Variants in MYO1D observed in about 807,000 individuals in gnomAD.
MYO1D encodes myosin ID.
A neutral mutation model predicts 122.0 loss-of-function variants in MYO1D; 83 were observed. That is an observed-to-expected ratio of 0.68 (90% CI 0.57 to 0.82). The LOEUF (loss-of-function observed/expected upper bound fraction) is 0.82, where lower values mean the gene tolerates loss of function less well. Ranked by LOEUF, MYO1D falls within the 40% of genes least tolerant of loss-of-function variation. The pLI is 0.00. For synonymous variants in MYO1D, 464 were observed against 446.9 expected (o/e 1.04, Z -0.48); for missense variants, 1,157 against 1,269.5 (o/e 0.91, Z 1.35).
chr17:32,857,738 C>A (rs1227603983), intron 1 of MYO1D, among the ~76,000 whole-genome samples: 2 of 152,208 alleles, frequency 1.3e-5, no homozygotes, highest in Non-Finnish European at 2.9e-5. Context: ...TATTCACATT[C>A]CAGCATTCAG....
intron 21 of MYO1D, among the ~76,000 whole-genome samples, chr17:32,495,335 C>T (rs767013875): frequency 2.2e-4 from 34 of 152,258 alleles, no homozygotes; most frequent in Non-Finnish European, 4.9e-4. Flanking sequence ...GTCTCCTGCT[C>T]CTGGCTGGTC....
At chr17:32,712,898 T>C (rs2089396964) in intron 15 of MYO1D, among the ~76,000 whole-genome samples, 1 of 152,112 alleles carries the variant, frequency 6.6e-6, no homozygotes, top group Non-Finnish European at 1.5e-5. Flanking sequence ...AGTGACATCC[T>C]ATCACTTTTG....
intron 21 of MYO1D, chr17:32,518,462 G>C (rs1392369235): frequency 6.6e-6 from 1 of 152,198 alleles, no homozygotes; most frequent in East Asian, 1.9e-4. Flanking sequence ...TTGAAGAAGT[G>C]ATATTAAAAA....
chr17:32,717,328 T>G (rs2089461215), intron 15 of MYO1D, among the ~76,000 whole-genome samples: 1 of 152,236 alleles, frequency 6.6e-6, no homozygotes, highest in African/African-American at 2.4e-5. Flanking sequence ...AAATCTTTAA[T>G]TATCTCTACT....
At chr17:32,742,047 A>AT (rs915731197) in intron 13 of MYO1D, among the ~76,000 whole-genome samples, 5 of 149,226 alleles carry the variant, frequency 3.4e-5, no homozygotes, top group Non-Finnish European at 5.9e-5. Flanking sequence ...TAAAAAAAAA[A>AT]TTTTTTTTAA....
At chr17:32,731,889 C>T (rs920895298) in intron 14 of MYO1D, among the ~76,000 whole-genome samples, 5 of 152,236 alleles carry the variant, frequency 3.3e-5, no homozygotes, top group African/African-American at 1.2e-4. Flanking sequence ...CTGGGTACCT[C>T]TGCACTCCCG....
At chr17:32,837,137 T>C (rs1249972128) in intron 1 of MYO1D, among the ~76,000 whole-genome samples, 3 of 152,072 alleles carry the variant, frequency 2.0e-5, no homozygotes, top group Non-Finnish European at 4.4e-5. Flanking sequence ...CTGATGAGTG[T>C]GTAATATTAT....
At chr17:32,842,574 G>C (rs1272449827) in intron 1 of MYO1D, among the ~76,000 whole-genome samples, 1 of 151,990 alleles carries the variant, frequency 6.6e-6, no homozygotes, top group East Asian at 1.9e-4. Context: ...TAAAATGCCT[G>C]CATTCTTTCT....
intron 21 of MYO1D, among the ~76,000 whole-genome samples, chr17:32,560,487 T>C (rs1346319418): frequency 7.5e-6 from 1 of 132,548 alleles, no homozygotes; most frequent in East Asian, 2.2e-4. Context: ...ATGTATGTTA[T>C]GGAGATATTT....
chr17:32,844,242 TATATATA>T (rs2090912030), intron 1 of MYO1D, among the ~76,000 whole-genome samples: 2 of 147,288 alleles, frequency 1.4e-5, no homozygotes, highest in Admixed American at 6.8e-5. Flanking sequence ...CATGTATGTG[TATATATA>T]ATATATAATA....
chr17:32,754,865 C>T (rs2089931471), intron 11 of MYO1D, among the ~76,000 whole-genome samples: 1 of 152,132 alleles, frequency 6.6e-6, no homozygotes, highest in Non-Finnish European at 1.5e-5. Context: ...ATGATATGTC[C>T]ATATCAGCAC....
At chr17:32,760,428 G>A in intron 9 of MYO1D, 24 bp from the exon 10 acceptor site, 1 of 1,603,806 alleles carries the variant, frequency 6.2e-7, no homozygotes, top group Non-Finnish European at 8.5e-7. Context: ...AATAAATTAA[G>A]TTTCAACAAA....
chr17:32,844,681 C>T (rs1048449159), intron 1 of MYO1D, among the ~76,000 whole-genome samples: 3 of 151,720 alleles, frequency 2.0e-5, no homozygotes, highest in Non-Finnish European at 2.9e-5. Context: ...GCTATGATCA[C>T]GCCACTGCAC....
At chr17:32,775,801 A>C in intron 4 of MYO1D, 63 bp downstream of exon 4, 1 of 1,317,070 alleles carries the variant, frequency 7.6e-7, no homozygotes, top group Non-Finnish European at 1.0e-6. Flanking sequence ...AAATTCTATA[A>C]ATATAATTTG....
intron 10 of MYO1D, among the ~76,000 whole-genome samples, chr17:32,758,918 ACAGTCCACTG>A (rs1374816029): frequency 2.6e-5 from 4 of 152,106 alleles, no homozygotes; most frequent in African/African-American, 9.7e-5. Flanking sequence ...GATGTTTGGA[ACAGTCCACTG>A]CATTACTTAC....
At chr17:32,625,390 G>A (rs967627250) in intron 20 of MYO1D, among the ~76,000 whole-genome samples, 1 of 152,154 alleles carries the variant, frequency 6.6e-6, no homozygotes, top group South Asian at 2.1e-4. Context: ...GAAACATTGC[G>A]CTAGTGGTCA....
chr17:32,640,549 C>T (rs1597961697), intron 19 of MYO1D, among the ~76,000 whole-genome samples: 2 of 137,758 alleles, frequency 1.5e-5, no homozygotes, highest in African/African-American at 5.5e-5. Context: ...TTGTTCAATT[C>T]CCACCTATGA....
At chr17:32,535,990 G>A (rs1910653165) in intron 21 of MYO1D, among the ~76,000 whole-genome samples, 1 of 152,212 alleles carries the variant, frequency 6.6e-6, no homozygotes, top group Non-Finnish European at 1.5e-5. Context: ...AGTGCAGACA[G>A]ACAAGAGTTA....
intron 19 of MYO1D, among the ~76,000 whole-genome samples, chr17:32,649,954 C>A (rs529233698): frequency 6.6e-6 from 1 of 152,236 alleles, no homozygotes; most frequent in South Asian, 2.1e-4. Flanking sequence ...ATTATGCTGC[C>A]ATAAACATTG....
Sources: allele counts gnomAD v4.1 joint callset (sites outside exome capture counted in the v4.1 genomes callset), GRCh38; gene constraint gnomAD v4.1.1; transcripts MANE v1.5; gene names NCBI Gene and HGNC (gene_info 2026-07-23, HGNC 2026-07-21).